RASGRF1: variants seen among roughly 807,000 people sequenced by gnomAD.
RASGRF1 encodes the protein ras-specific guanine nucleotide-releasing factor 1.
In RASGRF1, 40 loss-of-function variants were observed where a neutral mutation model predicts 138.7. The ratio of observed to expected loss-of-function variants is 0.29; its 90% CI spans 0.22 to 0.38. The LOEUF is 0.38. RASGRF1 is among the 10% of genes least tolerant of loss of function. RASGRF1 has a pLI of 1.00. For missense variants in RASGRF1, 1,108 were observed against 1,650.4 expected (o/e 0.67, Z 5.69); for synonymous variants, 614 against 663.2 (o/e 0.93, Z 1.14).
intron 2 of RASGRF1, among the ~76,000 whole-genome samples, chr15:79,060,274 T>C (rs1285669481): frequency 1.3e-5 from 2 of 152,214 alleles, no homozygotes; most frequent in African/African-American, 4.8e-5. Flanking sequence ...TGGGAGACAT[T>C]CCTGGGAGGC....
At chr15:79,012,201 C>T (rs2056809632) in intron 13 of RASGRF1, among the ~76,000 whole-genome samples, 1 of 151,966 alleles carries the variant, frequency 6.6e-6, no homozygotes, top group African/African-American at 2.4e-5. Context: ...AAACACCGTG[C>T]ACTTTTTTGC....
chr15:79,059,060 G>A (rs1388594201), intron 2 of RASGRF1, among the ~76,000 whole-genome samples: 1 of 152,074 alleles, frequency 6.6e-6, no homozygotes, highest in African/African-American at 2.4e-5. Context: ...AGGCTGCTCT[G>A]CTAACCTCCC....
chr15:79,084,959 G>A (rs530959283), intron 1 of RASGRF1, among the ~76,000 whole-genome samples: 2 of 152,068 alleles, frequency 1.3e-5, no homozygotes, highest in African/African-American at 2.4e-5. Flanking sequence ...TAAAGACCCC[G>A]TTCCTTCATC....
intron 26 of RASGRF1, among the ~76,000 whole-genome samples, chr15:78,963,717 T>C (rs1420647811): frequency 6.6e-6 from 1 of 152,226 alleles, no homozygotes; most frequent in African/African-American, 2.4e-5. Flanking sequence ...ACCGGCTGTC[T>C]GCTATGCTGA....
At chr15:78,997,876 T>G (rs2056429439) in intron 19 of RASGRF1, 1 of 567,340 alleles carries the variant, frequency 1.8e-6, no homozygotes, top group African/African-American at 1.9e-5. Context: ...GAGATCAAGG[T>G]CTGGCGCAGG....
intron 13 of RASGRF1, among the ~76,000 whole-genome samples, chr15:79,008,892 C>T (rs1396426799): frequency 1.3e-5 from 2 of 152,188 alleles, no homozygotes; most frequent in African/African-American, 4.8e-5. Flanking sequence ...CAAAGCAGGC[C>T]AGAGCACATG....
chr15:79,090,603 G>A lies in RASGRF1; in HGVS notation c.-105C>T. ...GCCTCTCTCTGGCGCTCGCTCGCTC[G>A]CTCCCTCTAGCTCTCCCCTCCCCCC... On this transcript the variant is annotated 5_prime_UTR_variant, in exon 1 of 27. Coordinates refer to ENST00000558480, the MANE Select transcript of RASGRF1 (RefSeq NM_001145648.3). 1 of 1,446,272 alleles carries A rather than the reference G, an allele frequency of 6.9e-7. No individual in the cohort carries two copies. The highest frequency in any genetic ancestry group is 9.4e-7 in the Non-Finnish European group (1 of 1,067,206). The allele number at this position is 1,446,272 out of a possible 1,614,324, so 89.6% of individuals were successfully genotyped here.
intron 5 of RASGRF1, among the ~76,000 whole-genome samples, chr15:79,038,436 A>C (rs2057251519): frequency 6.6e-6 from 1 of 152,204 alleles, no homozygotes. Flanking sequence ...TTGTAATCCT[A>C]CTACTCAGAA....
chr15:78,999,663 C>G (rs2056474912), intron 17 of RASGRF1, 80 bp downstream of exon 17: 1 of 1,524,278 alleles, frequency 6.6e-7, no homozygotes, highest in Middle Eastern at 2.4e-4. Context: ...CAGAGCAAGT[C>G]CCCGGGACCA....
At chr15:78,974,396 T>C (rs2055832579) in intron 24 of RASGRF1, among the ~76,000 whole-genome samples, 1 of 152,160 alleles carries the variant, frequency 6.6e-6, no homozygotes, top group Admixed American at 6.5e-5. Flanking sequence ...CCTGCTAGCC[T>C]GGAGGAAGGT....
At chr15:79,031,981 G>T in intron 7 of RASGRF1, 142 bp downstream of exon 7, 1 of 1,033,956 alleles carries the variant, frequency 9.7e-7, no homozygotes, top group Non-Finnish European at 1.4e-6. Context: ...CAGCATTGTC[G>T]GCTGCTGGCC....
intron 5 of RASGRF1, 150 bp from the exon 6 acceptor site, chr15:79,035,360 T>C: frequency 4.8e-6 from 3 of 625,646 alleles, no homozygotes; most frequent in East Asian, 5.8e-5. Context: ...GGATGGATCA[T>C]ATAATCTGGG....
chr15:78,977,873 A>G (rs898437352), intron 24 of RASGRF1, among the ~76,000 whole-genome samples: 4 of 152,248 alleles, frequency 2.6e-5, no homozygotes, highest in African/African-American at 9.6e-5. Context: ...GCTGGTGACC[A>G]CATTTTGCTA....
At chr15:79,031,544 G>C (rs532833543) in intron 7 of RASGRF1, 35 bp from the exon 8 acceptor site, 1 of 1,509,542 alleles carries the variant, frequency 6.6e-7, no homozygotes, top group East Asian at 2.3e-5. Context: ...GGTGGAGAAA[G>C]AGCCAGGGAA....
Position 79,006,535 on chromosome 15 carries a change from A to G in RASGRF1, c.1827-101T>C. On this transcript the variant is annotated intron_variant, in intron 13 of 26. Coordinates refer to ENST00000558480, the MANE Select transcript of RASGRF1 (RefSeq NM_001145648.3). The surrounding 1 kb of genome is among the most constrained non-coding windows in gnomAD (Gnocchi z 4.0). ...ACTGCTTCCCCCACACACTGACAACACAGGATGGTCTTATTAAGAGAACAA... is the reference window on the plus strand; with the variant it reads ...ACTGCTTCCCCCACACACTGACAACGCAGGATGGTCTTATTAAGAGAACAA... 1 of 1,392,978 alleles carries G rather than the reference A, an allele frequency of 7.2e-7. No individual in the cohort carries two copies. Among genetic ancestry groups the G allele is most frequent in the South Asian group, 1.3e-5 (1 of 74,148 alleles). The allele number at this position is 1,392,978 out of a possible 1,614,324, so 86.3% of individuals were successfully genotyped here.
chr15:79,065,668 G>A (rs745496850), intron 1 of RASGRF1, among the ~76,000 whole-genome samples: 2 of 152,008 alleles, frequency 1.3e-5, no homozygotes, highest in Non-Finnish European at 2.9e-5. Flanking sequence ...AAACTGGGAG[G>A]AGAGAGGCAG....
intron 5 of RASGRF1, among the ~76,000 whole-genome samples, chr15:79,035,871 C>G (rs1238323795): frequency 1.3e-5 from 2 of 152,242 alleles, no homozygotes; most frequent in East Asian, 3.8e-4. Flanking sequence ...TGACCGCCCC[C>G]GCTGTTTGGA....
At position 78,995,700 on chromosome 15, in the gene RASGRF1, G is replaced by A. The variant is rs187075133; in HGVS notation, c.3027+40C>T. On this transcript the variant is annotated intron_variant, in intron 20 of 26. Coordinates refer to ENST00000558480, the MANE Select transcript of RASGRF1 (RefSeq NM_001145648.3). ...CAGGGGTCCTGGGCAGGAGGATGGGGAGGAAAGCCTTGGAAAGCAAGAGGG... is the reference window on the plus strand; with the variant it reads ...CAGGGGTCCTGGGCAGGAGGATGGGAAGGAAAGCCTTGGAAAGCAAGAGGG... The A allele has an allele frequency of 7.4e-6, 12 of 1,610,838 alleles. 1 individual carries two copies. In the East Asian group the frequency reaches 2.7e-4, roughly 36 times the overall value.
intron 24 of RASGRF1, among the ~76,000 whole-genome samples, chr15:78,979,780 C>A (rs2055978756): frequency 6.6e-6 from 1 of 152,140 alleles, no homozygotes; most frequent in Admixed American, 6.5e-5. Context: ...GCCATGTGGC[C>A]TTGGACCGTC....
Sources: allele counts gnomAD v4.1 joint callset (sites outside exome capture counted in the v4.1 genomes callset), GRCh38; gene constraint gnomAD v4.1.1; non-coding constraint Gnocchi (gnomAD v3.1); transcripts MANE v1.5; gene names NCBI Gene and HGNC (gene_info 2026-07-23, HGNC 2026-07-21).